TLE1: variants seen among roughly 807,000 people sequenced by gnomAD.
TLE1 encodes the protein TLE family member 1, transcriptional corepressor, also known as transducin-like enhancer protein 1.
TLE1 carries 21 observed loss-of-function variants against 89.8 expected under a neutral mutation model. The observed-to-expected ratio is 0.23, with a 90% CI of 0.17 to 0.34. The LOEUF (loss-of-function observed/expected upper bound fraction) is 0.34, where lower values mean the gene tolerates loss of function less well. Among genes scored for constraint, TLE1 ranks in the 10% least tolerant of loss-of-function variants. The pLI is 1.00. For synonymous variants in TLE1, 447 were observed against 407.6 expected (o/e 1.10, Z -1.16); for missense variants, 795 against 1,031.2 (o/e 0.77, Z 3.14).
At chr9:81,615,147 A>T (rs1824292730) in intron 11 of TLE1, among the ~76,000 whole-genome samples, 1 of 139,754 alleles carries the variant, frequency 7.2e-6, no homozygotes, top group African/African-American at 2.6e-5. Context: ...GGCAATGAAC[A>T]TGGATGCGTG....
rs1487322313 is a variant in TLE1 at position 81,654,079 on chromosome 9, T to A, written c.235-43A>T. On this transcript the variant is annotated intron_variant, in intron 4 of 19. Transcript: ENST00000376499. ...CACAAATGTTTAGAATACTTCACAA[T>A]CAGTTCAGAAAGGTAAAACTTCATA... is the stretch of plus-strand genomic sequence containing the variant. 8 of 1,599,468 alleles carry A rather than the reference T, an allele frequency of 5.0e-6. No individual in the cohort carries two copies. In the East Asian group the frequency reaches 1.6e-4, roughly 31 times the overall value.
intron 14 of TLE1, among the ~76,000 whole-genome samples, chr9:81,609,809 CAA>C (rs949852559): frequency 2.0e-5 from 3 of 152,248 alleles, no homozygotes; most frequent in African/African-American, 4.8e-5. Flanking sequence ...TGACACATTT[CAA>C]AAAAGTGTCT....
rs1387996466 is a variant in TLE1, at chr9:81,636,723, G to A, written c.373-2422C>T. Among the ~76,000 whole-genome samples, 7 of 152,154 alleles carry A rather than the reference G, an allele frequency of 4.6e-5. No homozygotes were observed. The South Asian group carries it at 1.2e-3, about 27-fold the overall frequency. On this transcript the variant is annotated intron_variant, in intron 6 of 19. Transcript: ENST00000376499. Reference sequence around the variant, plus strand: ...AGATACTAACAAAGTAAAGATTTCCGGCCAGGCACAGTGGCTCACCCCCAT... The same window carrying A: ...AGATACTAACAAAGTAAAGATTTCCAGCCAGGCACAGTGGCTCACCCCCAT...
chr9:81,654,502 G>C (rs895149179), intron 4 of TLE1, among the ~76,000 whole-genome samples: 1 of 151,976 alleles, frequency 6.6e-6, no homozygotes, highest in African/African-American at 2.4e-5. Flanking sequence ...CACCACTCCC[G>C]GCTAATTTTT....
rs759337953 is a variant in TLE1 at position 81,585,261 on chromosome 9, A to G, written c.2128+244T>C. Among the ~76,000 whole-genome samples, 88 of 151,948 alleles carry G rather than the reference A, an allele frequency of 5.8e-4. 1 individual carries two copies. Among genetic ancestry groups the G allele is most frequent in the Non-Finnish European group, 3.1e-4 (21 of 67,996 alleles). On this transcript the variant is annotated intron_variant, in intron 18 of 19. Coordinates refer to ENST00000376499, the MANE Select transcript of TLE1 (RefSeq NM_005077.5). Reference sequence around the variant, plus strand: ...CTCATTGTCGTCTCCCAACCCCTCCAAAACAAACTTGTGTCCAAACCGTGT... The same window carrying G: ...CTCATTGTCGTCTCCCAACCCCTCCGAAACAAACTTGTGTCCAAACCGTGT...
At chr9:81,640,423 T>A (rs1396887083) in intron 6 of TLE1, among the ~76,000 whole-genome samples, 7 of 152,042 alleles carry the variant, frequency 4.6e-5, no homozygotes, top group Admixed American at 3.9e-4. Context: ...CCTTGTATTT[T>A]ACAAAGCAAT....
chr9:81,584,120 A>G lies in TLE1; in HGVS notation c.*78T>C. ...GTTTGTAATTTTTTTTCTCTTTTAA[A>G]GTTACAACTTTTCTATTTCTATAAA... On this transcript the variant is annotated 3_prime_UTR_variant, in exon 20 of 20. Transcript: ENST00000376499. The G allele has an allele frequency of 7.5e-7, 1 of 1,331,800 alleles. No homozygotes were observed. Among genetic ancestry groups the G allele is most frequent in the Non-Finnish European group, 1.1e-6 (1 of 933,684 alleles). The allele number at this position is 1,331,800 out of a possible 1,614,324, so 82.5% of individuals were successfully genotyped here.
intron 8 of TLE1, among the ~76,000 whole-genome samples, chr9:81,629,982 T>C (rs1449777852): frequency 1.3e-5 from 2 of 152,168 alleles, no homozygotes; most frequent in Non-Finnish European, 2.9e-5. Context: ...AGCAAATTAA[T>C]TTCTGCCACT....
At chr9:81,660,988 G>C (rs1830716096) in intron 4 of TLE1, among the ~76,000 whole-genome samples, 1 of 118,094 alleles carries the variant, frequency 8.5e-6, no homozygotes, top group African/African-American at 3.1e-5. Flanking sequence ...CATTTAGCCT[G>C]GCGTGGTGGC....
At chr9:81,631,722 A>T (rs1250122503) in intron 8 of TLE1, among the ~76,000 whole-genome samples, 1 of 152,254 alleles carries the variant, frequency 6.6e-6, no homozygotes, top group African/African-American at 2.4e-5. Context: ...ATAACAGCCT[A>T]AAGGGCATGG....
At chr9:81,641,095 A>G (rs1376663735) in intron 6 of TLE1, among the ~76,000 whole-genome samples, 1 of 152,236 alleles carries the variant, frequency 6.6e-6, no homozygotes, top group East Asian at 1.9e-4. Context: ...TTAAGGGGAC[A>G]AAAACGTGAA....
intron 4 of TLE1, among the ~76,000 whole-genome samples, chr9:81,663,097 C>T (rs566300048): frequency 6.6e-6 from 1 of 152,212 alleles, no homozygotes; most frequent in African/African-American, 2.4e-5. Flanking sequence ...CCACACGCCT[C>T]GGCCCCCCAA....
intron 14 of TLE1, among the ~76,000 whole-genome samples, chr9:81,601,555 A>C (rs773539704): frequency 2.0e-5 from 3 of 151,930 alleles, no homozygotes; most frequent in Non-Finnish European, 4.4e-5. Context: ...CAGGTAGAGC[A>C]CAGCCCCCAG....
chr9:81,680,704 T>A (rs1215614952), intron 4 of TLE1, among the ~76,000 whole-genome samples: 1 of 152,008 alleles, frequency 6.6e-6, no homozygotes, highest in Non-Finnish European at 1.5e-5. Flanking sequence ...CAGAGAGCTT[T>A]CTCTCTTTTA....
At chr9:81,634,753 A>G (rs1827164383) in intron 6 of TLE1, among the ~76,000 whole-genome samples, 1 of 152,156 alleles carries the variant, frequency 6.6e-6, no homozygotes, top group Admixed American at 6.5e-5. Flanking sequence ...CAGAGGGATT[A>G]AAATGGGGGT....
chr9:81,622,150 C>G (rs1262734558), intron 8 of TLE1, among the ~76,000 whole-genome samples: 1 of 152,192 alleles, frequency 6.6e-6, no homozygotes, highest in African/African-American at 2.4e-5. Flanking sequence ...AAAGCTGGGC[C>G]GGGGCAGCAG....
intron 6 of TLE1, among the ~76,000 whole-genome samples, chr9:81,639,337 T>G (rs1827796775): frequency 6.6e-6 from 1 of 152,026 alleles, no homozygotes; most frequent in South Asian, 2.1e-4. Context: ...AAGTGCTAGA[T>G]TACAAGCGTA....
intron 6 of TLE1, among the ~76,000 whole-genome samples, chr9:81,640,781 C>A (rs976936548): frequency 3.3e-5 from 5 of 152,192 alleles, no homozygotes; most frequent in African/African-American, 1.2e-4. Flanking sequence ...TTTCTACACA[C>A]AGTCACAGCA....
At chr9:81,643,700 A>G (rs552934280) in intron 6 of TLE1, among the ~76,000 whole-genome samples, 1 of 151,692 alleles carries the variant, frequency 6.6e-6, no homozygotes, top group South Asian at 2.1e-4. Flanking sequence ...ACACTCAGCT[A>G]ATTTTTTTGA....
Sources: gnomAD v4.1 joint callset for allele counts (sites outside exome capture counted in the v4.1 genomes callset) on GRCh38, gnomAD v4.1.1 for gene constraint, MANE v1.5 for transcripts, NCBI Gene and HGNC (gene_info 2026-07-23, HGNC 2026-07-21) for gene names.